PCDHGA3: variants seen among roughly 807,000 people sequenced by gnomAD.
PCDHGA3 encodes the protein protocadherin gamma subfamily A, 3, also known as protocadherin gamma-A3.
In PCDHGA3, 40 loss-of-function variants were observed where a neutral mutation model predicts 58.5. The observed-to-expected ratio is 0.68, with a 90% CI of 0.53 to 0.89. The LOEUF (loss-of-function observed/expected upper bound fraction) is 0.89. PCDHGA3 is among the 40% of genes least tolerant of loss of function. The pLI is 0.00. For missense variants in PCDHGA3, 1,223 were observed against 1,195.9 expected (o/e 1.02, Z -0.33); for synonymous variants, 530 against 525.7 (o/e 1.01, Z -0.11).
At chr5:141,463,460 T>TA (rs1554144871) in intron 1 of PCDHGA3, among the ~76,000 whole-genome samples, 2 of 136,122 alleles carry the variant, frequency 1.5e-5, no homozygotes, top group Non-Finnish European at 3.1e-5. Context: ...TTTTTTTTTT[T>TA]TTTTTTGAGA....
chr5:141,380,910 A>G (rs1776848535), intron 1 of PCDHGA3, among the ~76,000 whole-genome samples: 1 of 152,262 alleles, frequency 6.6e-6, no homozygotes, highest in South Asian at 2.1e-4. Context: ...ACAAGTGCTT[A>G]CATTGTTTAA....
At chr5:141,357,475 C>T in intron 1 of PCDHGA3, 2 of 1,614,236 alleles carry the variant, frequency 1.2e-6, no homozygotes, top group Non-Finnish European at 1.7e-6. Context: ...CGAGGTCTCC[C>T]TCACCGCGGA....
In PCDHGA3 at chr5:141,491,257, G is replaced by A. The variant is rs754721047; in HGVS notation, c.2425-3550G>A. 2 of 1,614,170 alleles carry A rather than the reference G, an allele frequency of 1.2e-6. No individual in the cohort carries two copies. The highest frequency in any genetic ancestry group is 3.3e-5 in the Admixed American group (2 of 60,020). On this transcript the variant is annotated intron_variant, in intron 1 of 3. Coordinates refer to ENST00000253812, the MANE Select transcript of PCDHGA3 (RefSeq NM_018916.4). This position sits in a 1 kb window ranked among gnomAD's most constrained non-coding sequence, Gnocchi z 6.9. ...GGTTCTGGAGGATGAGGACCCTGAG[G>A]AAATGCCCAAATCCAGTGACTTCCT... is the stretch of plus-strand genomic sequence containing the variant.
chr5:141,430,804 G>T, intron 1 of PCDHGA3: 2 of 1,525,868 alleles, frequency 1.3e-6, no homozygotes, highest in Non-Finnish European at 1.8e-6. Context: ...GGCTTGTCCT[G>T]CTGGGAATCC....
In PCDHGA3 at chr5:141,365,655, T is replaced by C. The variant is rs759352758; in HGVS notation, c.2424+19198T>C. On this transcript the variant is annotated intron_variant, in intron 1 of 3. Coordinates refer to ENST00000253812, the MANE Select transcript of PCDHGA3 (RefSeq NM_018916.4). ...ACAGAAAGCCACATCCCCTTGAAAGTAGCAGACGTTAATGACAACCCACCC... is the reference window on the plus strand; with the variant it reads ...ACAGAAAGCCACATCCCCTTGAAAGCAGCAGACGTTAATGACAACCCACCC... 8.7e-6 allele frequency: 14 copies of C among 1,613,386 alleles called. No individual in the cohort carries two copies. Among genetic ancestry groups the C allele is most frequent in the African/African-American group, 4.0e-5 (3 of 74,886 alleles).
intron 1 of PCDHGA3, among the ~76,000 whole-genome samples, chr5:141,363,849 A>C (rs1476052726): frequency 6.6e-6 from 1 of 152,206 alleles, no homozygotes; most frequent in African/African-American, 2.4e-5. Flanking sequence ...AATTTAATGG[A>C]CTAAATATAG....
chr5:141,398,125 G>C (rs1353004584), intron 1 of PCDHGA3: 1 of 1,586,808 alleles, frequency 6.3e-7, no homozygotes. Flanking sequence ...GAGAGCAAGA[G>C]GGATGGGGAG....
chr5:141,418,350 T>A, intron 1 of PCDHGA3: 1 of 1,614,002 alleles, frequency 6.2e-7, no homozygotes, highest in Non-Finnish European at 8.5e-7. Context: ...GATATTAGTA[T>A]GAATTCGCTG....
chr5:141,370,464 T>C (rs1766931580), intron 1 of PCDHGA3: 1 of 1,613,018 alleles, frequency 6.2e-7, no homozygotes, highest in Middle Eastern at 1.7e-4. Context: ...CCTGCTCTCT[T>C]TGTTAGACCA....
intron 1 of PCDHGA3, among the ~76,000 whole-genome samples, chr5:141,433,482 C>T (rs935076625): frequency 3.3e-5 from 5 of 152,110 alleles, no homozygotes; most frequent in African/African-American, 9.6e-5. Flanking sequence ...TAGCCTCCTG[C>T]TTCTCCCTCC....
At chr5:141,373,925 G>C (rs1769961983) in intron 1 of PCDHGA3, 11 of 660,560 alleles carry the variant, frequency 1.7e-5, no homozygotes, top group Non-Finnish European at 2.6e-5. Flanking sequence ...CAAATTAGAC[G>C]GGAAAGCAGG....
At chr5:141,391,788 G>GT (rs1373420883) in intron 1 of PCDHGA3, 2 of 152,132 alleles carry the variant, frequency 1.3e-5, no homozygotes, top group African/African-American at 2.4e-5. Flanking sequence ...ACTTTTTGCA[G>GT]TTTTTTAGAT....
intron 1 of PCDHGA3, chr5:141,352,683 A>G (rs1230396001): frequency 6.4e-7 from 1 of 1,563,666 alleles, no homozygotes; most frequent in Non-Finnish European, 8.7e-7. Context: ...AGTTTCTGCA[A>G]ATCTAGTTAA....
At chr5:141,372,801 T>A in intron 1 of PCDHGA3, 1 of 1,594,978 alleles carries the variant, frequency 6.3e-7, no homozygotes, top group Non-Finnish European at 8.5e-7. Context: ...TTCAGGCAAT[T>A]TGCAAAAGGT....
chr5:141,487,293 C>T lies in PCDHGA3; in HGVS notation c.2425-7514C>T. ...GCAATTTGCTTTGTCTCCTTTGGCT[C>T]ATTCGTGGCACTACTCTCTAAGTGT... is the stretch of plus-strand genomic sequence containing the variant. On this transcript the variant is annotated intron_variant, in intron 1 of 3. Transcript: ENST00000253812. The surrounding 1 kb of genome is among the most constrained non-coding windows in gnomAD (Gnocchi z 5.0). 1 of 1,614,148 alleles carries T rather than the reference C, an allele frequency of 6.2e-7. No individual in the cohort carries two copies. Among genetic ancestry groups the T allele is most frequent in the Non-Finnish European group, 8.5e-7 (1 of 1,180,010 alleles).
intron 1 of PCDHGA3, chr5:141,384,712 T>C (rs1479257673): frequency 6.2e-7 from 1 of 1,614,074 alleles, no homozygotes; most frequent in Admixed American, 1.7e-5. Flanking sequence ...CGCCTGGCTG[T>C]CATACCTCCT....
intron 2 of PCDHGA3, among the ~76,000 whole-genome samples, chr5:141,503,851 A>C (rs1484022055): frequency 6.6e-6 from 1 of 152,116 alleles, no homozygotes; most frequent in Non-Finnish European, 1.5e-5. Context: ...CCTTGGAAAA[A>C]TTGTAAAGCA....
intron 1 of PCDHGA3, chr5:141,411,270 A>G (rs1299052773): frequency 6.6e-6 from 1 of 152,160 alleles, no homozygotes; most frequent in African/African-American, 2.4e-5. Context: ...ATATTTTTAA[A>G]GCCTAAAAAT....
intron 1 of PCDHGA3, chr5:141,414,343 A>G: frequency 1.9e-6 from 3 of 1,613,882 alleles, no homozygotes; most frequent in Non-Finnish European, 2.5e-6. Flanking sequence ...AACCTGTTCC[A>G]TTTTGGCGTA....
Sources: gnomAD v4.1 joint callset for allele counts (sites outside exome capture counted in the v4.1 genomes callset) on GRCh38, gnomAD v4.1.1 for gene constraint, Gnocchi (gnomAD v3.1) non-coding constraint, MANE v1.5 for transcripts, NCBI Gene and HGNC (gene_info 2026-07-23, HGNC 2026-07-21) for gene names.